The following NCALD variants were observed in gnomAD, a reference collection of about 807,000 sequenced individuals.
NCALD encodes the protein neurocalcin delta.
Under a neutral mutation model 18.6 loss-of-function variants are expected in NCALD, and 10 were observed. That is an observed-to-expected ratio of 0.54 (90% CI 0.33 to 0.91). NCALD has a LOEUF of 0.91. NCALD is among the 40% of genes least tolerant of loss of function. NCALD has a pLI of 0.03. For synonymous variants in NCALD, 88 were observed against 87.4 expected (o/e 1.01, Z -0.04); for missense variants, 184 against 247.6 (o/e 0.74, Z 1.72).
intron 3 of NCALD, among the ~76,000 whole-genome samples, chr8:101,887,978 G>T (rs1005556189): frequency 6.6e-6 from 1 of 152,194 alleles, no homozygotes; most frequent in African/African-American, 2.4e-5. Flanking sequence ...AAAAATGGCT[G>T]TAGCAGTTCA....
chr8:101,826,397 C>T (rs1263688526), intron 4 of NCALD, among the ~76,000 whole-genome samples: 1 of 152,170 alleles, frequency 6.6e-6, no homozygotes, highest in Non-Finnish European at 1.5e-5. Flanking sequence ...CTTCTAGAAT[C>T]TTCCCATGAT....
chr8:101,873,431 T>C (rs938985501), intron 4 of NCALD, among the ~76,000 whole-genome samples: 7 of 152,352 alleles, frequency 4.6e-5, no homozygotes, highest in Admixed American at 6.5e-5. Context: ...TAGTGGTGCA[T>C]AGTTATGGCG....
At chr8:101,728,548 G>T (rs773787882) in intron 1 of NCALD, among the ~76,000 whole-genome samples, 1 of 152,170 alleles carries the variant, frequency 6.6e-6, no homozygotes, top group Admixed American at 6.5e-5. Flanking sequence ...CTAGGGCGGG[G>T]CGTAGCTCAT....
intron 1 of NCALD, among the ~76,000 whole-genome samples, chr8:101,760,420 G>A (rs1811063406): frequency 6.6e-6 from 1 of 152,130 alleles, no homozygotes; most frequent in Non-Finnish European, 1.5e-5. Context: ...AAATATTCTG[G>A]GAAGGACAGA....
intron 4 of NCALD, among the ~76,000 whole-genome samples, chr8:101,822,402 T>C (rs1237573907): frequency 6.6e-6 from 1 of 152,110 alleles, no homozygotes; most frequent in Non-Finnish European, 1.5e-5. Flanking sequence ...AGCTGGTCGA[T>C]TGCCTGTTTG....
In NCALD at chr8:101,689,046, A is replaced by T. The variant is rs1286803960; in HGVS notation, c.*263T>A. 35 of 700,066 alleles carry T rather than the reference A, an allele frequency of 5.0e-5. No homozygotes were observed. The highest frequency in any genetic ancestry group is 7.5e-5 in the Non-Finnish European group (29 of 384,400). The allele number at this position is 700,066 out of a possible 1,614,324, so 43.4% of individuals were successfully genotyped here. A position where few individuals can be genotyped will look rare whatever the true frequency, so the allele number is the denominator to read the frequency against. The stretch of plus-strand genomic sequence containing the variant: ...AACAGAGACATTAGAATAAAAAAAA[A>T]TAATAGTAACGATTAAAAATCATCA... On this transcript the variant is annotated 3_prime_UTR_variant, in exon 4 of 4. Coordinates refer to ENST00000220931, the MANE Select transcript of NCALD (RefSeq NM_032041.3). This position sits in a 1 kb window ranked among gnomAD's most constrained non-coding sequence, Gnocchi z 4.4.
At chr8:101,755,268 T>C (rs1810828848) in intron 1 of NCALD, among the ~76,000 whole-genome samples, 1 of 152,248 alleles carries the variant, frequency 6.6e-6, no homozygotes, top group Non-Finnish European at 1.5e-5. Context: ...ACAGTCCCAG[T>C]TGATACCGCT....
At chr8:101,968,668 T>C (rs144881688) in intron 2 of NCALD, among the ~76,000 whole-genome samples, 1 of 152,138 alleles carries the variant, frequency 6.6e-6, no homozygotes, top group African/African-American at 2.4e-5. Context: ...TGTAGTTTCT[T>C]TCCCTACTTC....
At chr8:102,013,060 C>T (rs1338721846) in intron 2 of NCALD, among the ~76,000 whole-genome samples, 3 of 152,072 alleles carry the variant, frequency 2.0e-5, no homozygotes, top group African/African-American at 7.2e-5. Context: ...TCATTCTCTC[C>T]TTCTCAACAT....
intron 1 of NCALD, among the ~76,000 whole-genome samples, chr8:102,096,996 G>T (rs550210826): frequency 1.3e-5 from 2 of 152,166 alleles, no homozygotes; most frequent in Admixed American, 1.3e-4. Context: ...AGGTACTGGG[G>T]GCCTAAGACT....
chr8:101,738,760 T>A (rs952367714), intron 1 of NCALD, among the ~76,000 whole-genome samples: 2 of 152,102 alleles, frequency 1.3e-5, no homozygotes, highest in Non-Finnish European at 2.9e-5. Context: ...CCTGAGGAAC[T>A]CATACTTCTC....
intron 1 of NCALD, among the ~76,000 whole-genome samples, chr8:101,756,103 A>T (rs1810869282): frequency 6.6e-6 from 1 of 151,700 alleles, no homozygotes; most frequent in Non-Finnish European, 1.5e-5. Flanking sequence ...TTTTAAATCA[A>T]GACAAATGTC....
chr8:101,799,631 G>T (rs1053687950), intron 4 of NCALD, among the ~76,000 whole-genome samples: 1 of 152,164 alleles, frequency 6.6e-6, no homozygotes, highest in African/African-American at 2.4e-5. Flanking sequence ...AAGCCAGCAT[G>T]AATATCTAGA....
At chr8:101,748,424 T>C (rs1166725061) in intron 1 of NCALD, among the ~76,000 whole-genome samples, 2 of 152,212 alleles carry the variant, frequency 1.3e-5, no homozygotes, top group African/African-American at 4.8e-5. Flanking sequence ...GTCAGCTCGT[T>C]CATCAATCTC....
At chr8:102,100,685 C>T (rs190414658) in intron 1 of NCALD, among the ~76,000 whole-genome samples, 14 of 152,248 alleles carry the variant, frequency 9.2e-5, no homozygotes, top group Admixed American at 5.9e-4. Context: ...ATAAACAAAA[C>T]GAGGTATATA....
At chr8:101,984,005 C>T (rs1443908787) in intron 2 of NCALD, among the ~76,000 whole-genome samples, 1 of 152,202 alleles carries the variant, frequency 6.6e-6, no homozygotes, top group African/African-American at 2.4e-5. Flanking sequence ...TCTCCTGAAT[C>T]ACCTGCTCGA....
intron 3 of NCALD, among the ~76,000 whole-genome samples, chr8:101,907,647 C>A (rs1304398745): frequency 6.6e-6 from 1 of 151,994 alleles, no homozygotes; most frequent in African/African-American, 2.4e-5. Flanking sequence ...ATTATGACAA[C>A]CCGCAGAGGG....
At chr8:101,690,220 T>C (rs576183539) in intron 3 of NCALD, 9 of 982,398 alleles carry the variant, frequency 9.2e-6, no homozygotes, top group Non-Finnish European at 1.1e-5. Context: ...GGGGTAGGAG[T>C]TGGGGGACTG....
At chr8:102,064,595 A>C (rs1382676861) in intron 1 of NCALD, among the ~76,000 whole-genome samples, 1 of 152,232 alleles carries the variant, frequency 6.6e-6, no homozygotes, top group Non-Finnish European at 1.5e-5. Context: ...CAAGTGATGC[A>C]GGTCCAAAAC....
Sources: gnomAD v4.1 joint callset for allele counts (sites outside exome capture counted in the v4.1 genomes callset) on GRCh38, gnomAD v4.1.1 for gene constraint, Gnocchi (gnomAD v3.1) non-coding constraint, MANE v1.5 for transcripts, NCBI Gene and HGNC (gene_info 2026-07-23, HGNC 2026-07-21) for gene names.